Variants in SCAMP1 observed in about 807,000 individuals in gnomAD.
SCAMP1 encodes secretory carrier-associated membrane protein 1.
In SCAMP1, 15 loss-of-function variants were observed where a neutral mutation model predicts 41.8. The observed-to-expected ratio is 0.36, with a 90% CI of 0.24 to 0.55. The LOEUF is 0.55. SCAMP1 is among the 20% of genes least tolerant of loss of function. The probability of loss-of-function intolerance (pLI) is 0.86; values close to 1 mark genes in which losing one functional copy is unlikely to be tolerated. For missense variants in SCAMP1, 341 were observed against 412.6 expected, an observed-to-expected ratio of 0.83 and a Z score of 1.50; for synonymous variants, 135 against 136.8, an observed-to-expected ratio of 0.99 and a Z score of 0.09.
chr5:78,440,320 G>A (rs1052318700), intron 6 of SCAMP1, among the ~76,000 whole-genome samples: 16 of 152,142 alleles, frequency 1.1e-4, no homozygotes, highest in African/African-American at 3.6e-4. Context: ...TTCTGCTTTG[G>A]TTTCTCCCCA....
chr5:78,448,914 C>T (rs543292876), intron 6 of SCAMP1, among the ~76,000 whole-genome samples: 21 of 152,028 alleles, frequency 1.4e-4, no homozygotes, highest in African/African-American at 4.6e-4. Context: ...ACAGGAGAAT[C>T]GCTTGAACCT....
chr5:78,387,988 A>G (rs937049283), intron 1 of SCAMP1, among the ~76,000 whole-genome samples: 1 of 152,236 alleles, frequency 6.6e-6, no homozygotes, highest in Admixed American at 6.5e-5. Flanking sequence ...TGGCAGGACC[A>G]TAGAGCTCCC....
intron 2 of SCAMP1, among the ~76,000 whole-genome samples, chr5:78,413,723 T>C (rs1752139779): frequency 6.6e-6 from 1 of 152,186 alleles, no homozygotes. Context: ...CAGCCGGTTC[T>C]TGCCTTTTGT....
At chr5:78,427,551 A>G (rs1752498499) in intron 6 of SCAMP1, among the ~76,000 whole-genome samples, 2 of 152,148 alleles carry the variant, frequency 1.3e-5, no homozygotes, top group Non-Finnish European at 2.9e-5. Flanking sequence ...CAATATTCCT[A>G]GGAGTAGCCT....
chr5:78,365,472 CAAAAAAAA>C lies in SCAMP1; in HGVS notation c.57+4763_57+4770del, dbSNP rs35765310. ...CTGGGCGACAGTGCGAGACTCATCT[CAAAAAAAA>C]AAAAAAAAAAAAAAAAAAGTTCTGT... On this transcript the variant is annotated intron_variant, in intron 1 of 8. Coordinates refer to ENST00000621999, the MANE Select transcript of SCAMP1 (RefSeq NM_004866.6). Among the ~76,000 whole-genome samples, 14 of 55,564 alleles carry C rather than the reference CAAAAAAAA, an allele frequency of 2.5e-4. No individual in the cohort carries two copies. The East Asian group carries it at 6.8e-3, about 27-fold the overall frequency. The allele number at this position is 55,564 out of a possible 152,430, so 36.5% of individuals were successfully genotyped here.
rs1313309742 is a variant in SCAMP1, at chr5:78,480,469, AT to A, written c.*4802del. Among the ~76,000 whole-genome samples, 1 of 152,192 alleles carries A rather than the reference AT, an allele frequency of 6.6e-6. No individual in the cohort carries two copies. The highest frequency in any genetic ancestry group is 1.5e-5 in the Non-Finnish European group (1 of 68,036). ...ATGCCAGTGATTCTCAAGATAAATC[AT>A]GATTGTAGTAGTTGTTACTGTTGGC... On this transcript the variant is annotated 3_prime_UTR_variant, in exon 9 of 9. Transcript: ENST00000621999.
intron 5 of SCAMP1, among the ~76,000 whole-genome samples, chr5:78,420,333 T>G (rs1752312318): frequency 6.6e-6 from 1 of 152,250 alleles, no homozygotes; most frequent in Non-Finnish European, 1.5e-5. Flanking sequence ...ATTTGAAAAT[T>G]GAAATTTAAG....
intron 2 of SCAMP1, among the ~76,000 whole-genome samples, chr5:78,397,318 A>G (rs373132852): frequency 1.3e-5 from 2 of 151,648 alleles, no homozygotes; most frequent in African/African-American, 4.9e-5. Flanking sequence ...ACCTCATCCC[A>G]TACATAAAAA....
At chr5:78,414,626 G>A (rs970868667) in intron 2 of SCAMP1, among the ~76,000 whole-genome samples, 4 of 152,040 alleles carry the variant, frequency 2.6e-5, no homozygotes, top group African/African-American at 7.2e-5. Flanking sequence ...TTCTTCTATC[G>A]CTAATTTATT....
rs569771469 is a variant in SCAMP1 at position 78,431,933 on chromosome 5, T to A, written c.632+9973T>A. On this transcript the variant is annotated intron_variant, in intron 6 of 8. Transcript: ENST00000621999. ...AATTACACTATGGAAAAAGGGGTAG[T>A]CATCCCCTCAAGCATTTATCCTTTG... 2.0e-5 allele frequency among the ~76,000 whole-genome samples: 3 copies of A among 152,200 alleles called. No homozygotes were observed. In the South Asian group the frequency reaches 6.2e-4, roughly 32 times the overall value.
intron 7 of SCAMP1, among the ~76,000 whole-genome samples, chr5:78,453,917 G>A (rs1753311704): frequency 6.6e-6 from 1 of 152,082 alleles, no homozygotes; most frequent in African/African-American, 2.4e-5. Flanking sequence ...TTGTAAGTTG[G>A]ATTCCTGGGT....
chr5:78,449,424 ATATAAAATTC>A (rs1219918252), intron 6 of SCAMP1, among the ~76,000 whole-genome samples: 1 of 152,206 alleles, frequency 6.6e-6, no homozygotes, highest in East Asian at 1.9e-4. Flanking sequence ...GATCCCATTT[ATATAAAATTC>A]TATAAAATAG....
At chr5:78,378,041 CGA>C (rs1751109368) in intron 1 of SCAMP1, among the ~76,000 whole-genome samples, 1 of 152,044 alleles carries the variant, frequency 6.6e-6, no homozygotes, top group Admixed American at 6.6e-5. Flanking sequence ...ATGAGAAAAT[CGA>C]GAGAGTTTGA....
chr5:78,431,320 T>C (rs547443330), intron 6 of SCAMP1, among the ~76,000 whole-genome samples: 1 of 151,742 alleles, frequency 6.6e-6, no homozygotes, highest in East Asian at 1.9e-4. Flanking sequence ...TCAAAATGCT[T>C]TTGCAGACGC....
chr5:78,376,108 A>G (rs1273719175), intron 1 of SCAMP1, among the ~76,000 whole-genome samples: 1 of 152,050 alleles, frequency 6.6e-6, no homozygotes, highest in African/African-American at 2.4e-5. Flanking sequence ...GGGGGGCATC[A>G]CGGTCCTACC....
At chr5:78,406,791 C>T (rs544551808) in intron 2 of SCAMP1, among the ~76,000 whole-genome samples, 10 of 152,170 alleles carry the variant, frequency 6.6e-5, no homozygotes, top group African/African-American at 2.4e-4. Context: ...GTAGTCTATT[C>T]CCAGTTTGTT....
Position 78,362,256 on chromosome 5 carries a change from C to G in SCAMP1, c.57+1528C>G, listed in dbSNP as rs143050600. On this transcript the variant is annotated intron_variant, in intron 1 of 8. Transcript: ENST00000621999. ...GATAAAACATCAAGAACCTTTTAGC[C>G]TTTCCTAATTCAGATAATTCACTGA... 2.5e-3 allele frequency among the ~76,000 whole-genome samples: 374 copies of G among 152,288 alleles called. 2 individuals carry two copies. Among genetic ancestry groups the G allele is most frequent in the Middle Eastern group, 0.01 (3 of 294 alleles).
At chr5:78,394,508 C>T (rs988582245) in intron 2 of SCAMP1, among the ~76,000 whole-genome samples, 1 of 152,080 alleles carries the variant, frequency 6.6e-6, no homozygotes, top group Non-Finnish European at 1.5e-5. Flanking sequence ...CATGAACCAC[C>T]ATGCCTAGCT....
chr5:78,460,909 G>A (rs1230075043), intron 8 of SCAMP1, among the ~76,000 whole-genome samples: 2 of 151,402 alleles, frequency 1.3e-5, no homozygotes, highest in African/African-American at 4.9e-5. Context: ...AGGCTGGAGT[G>A]CAGTGGCTCA....
Sources: gnomAD v4.1 joint callset for allele counts (sites outside exome capture counted in the v4.1 genomes callset) on GRCh38, gnomAD v4.1.1 for gene constraint, MANE v1.5 for transcripts, NCBI Gene and HGNC (gene_info 2026-07-23, HGNC 2026-07-21) for gene names.